Variants in PCA3 observed in about 807,000 individuals in gnomAD.
PCA3 encodes Differential Display code 3.
intron 2 of PCA3, among the ~76,000 whole-genome samples, chr9:76,780,488 C>T (rs991702274): frequency 1.1e-4 from 16 of 152,094 alleles, no homozygotes; most frequent in African/African-American, 3.4e-4. Context: ...GAGATCAAGA[C>T]CATCCTGGCT....
intron 2 of PCA3, among the ~76,000 whole-genome samples, chr9:76,774,415 G>A (rs1316099387): frequency 1.4e-5 from 2 of 145,898 alleles, no homozygotes; most frequent in African/African-American, 5.4e-5. Context: ...TGGGATTAGA[G>A]GCATGAGCCA....
intron 2 of PCA3, among the ~76,000 whole-genome samples, chr9:76,774,463 T>TATTTATTTATTTATTTATTTA (rs1487883612): frequency 7.1e-6 from 1 of 141,172 alleles, no homozygotes. Context: ...TTTTTTTTTT[T>TATTTATTTATTTATTTATTTA]TTTTTTTTTT....
chr9:76,780,007 C>T (rs1241117246), intron 2 of PCA3: 2 of 152,144 alleles, frequency 1.3e-5, no homozygotes, highest in Non-Finnish European at 2.9e-5. Context: ...CTAGTAAAAT[C>T]CATCGTCAGA....
intron 2 of PCA3, chr9:76,784,715 C>T (rs1429191280): frequency 6.6e-6 from 1 of 152,194 alleles, no homozygotes; most frequent in Non-Finnish European, 1.5e-5. Context: ...TGTTCTGGCC[C>T]AGGGGATCTG....
chr9:76,773,561 A>G (rs1229931003), intron 2 of PCA3, among the ~76,000 whole-genome samples: 1 of 148,546 alleles, frequency 6.7e-6, no homozygotes, highest in Non-Finnish European at 1.5e-5. Context: ...CTCCTGCCTT[A>G]GCCTCCTGAG....
chr9:76,777,244 G>T (rs2053905560), intron 2 of PCA3, among the ~76,000 whole-genome samples: 2 of 152,200 alleles, frequency 1.3e-5, no homozygotes, highest in Non-Finnish European at 2.9e-5. Context: ...AATGAAGTAG[G>T]AGAGGGGTGC....
chr9:76,777,559 T>C lies in PCA3; in HGVS notation n.853-31024T>C, dbSNP rs148097951. Among the ~76,000 whole-genome samples the C allele has an allele frequency of 2.1e-4, 32 of 152,330 alleles. No homozygotes were observed. The East Asian group carries it at 6.2e-3, about 29-fold the overall frequency. ...TTCATTTATTCAATTCAATAAATAT[T>C]TGTTAGTCCCAATTTATGCAAGGCA... is the stretch of plus-strand genomic sequence containing the variant. On this transcript the variant is annotated intron_variant and non_coding_transcript_variant, in intron 2 of 5. Coordinates refer to ENST00000644657, the Ensembl canonical transcript of PCA3.
At chr9:76,769,397 T>TG (rs1275108092) in intron 2 of PCA3, among the ~76,000 whole-genome samples, 35 of 152,228 alleles carry the variant, frequency 2.3e-4, no homozygotes, top group African/African-American at 8.4e-4. Flanking sequence ...CCTCTATTGA[T>TG]GGACATTAAG....
Position 76,781,814 on chromosome 9 carries a change from T to C in PCA3, n.853-26769T>C, listed in dbSNP as rs1451406690. 7.2e-5 allele frequency among the ~76,000 whole-genome samples: 11 copies of C among 152,368 alleles called. No homozygotes were observed. The East Asian group carries it at 1.9e-3, about 27-fold the overall frequency. On this transcript the variant is annotated intron_variant and non_coding_transcript_variant, in intron 2 of 5. Coordinates refer to ENST00000644657, the Ensembl canonical transcript of PCA3. Reference sequence around the variant, plus strand: ...GGTGAATGTCTTGGTATTTCACCTTTCATCCTGCTGGACTCTAATTTCCTA... The same window carrying C: ...GGTGAATGTCTTGGTATTTCACCTTCCATCCTGCTGGACTCTAATTTCCTA...
At chr9:76,767,661 A>G (rs1264023896) in intron 2 of PCA3, among the ~76,000 whole-genome samples, 3 of 152,074 alleles carry the variant, frequency 2.0e-5, no homozygotes, top group Admixed American at 6.6e-5. Context: ...CCCTAACAGG[A>G]GGCACCTTAA....
chr9:76,767,459 A>AAG (rs1189208910), intron 2 of PCA3, among the ~76,000 whole-genome samples: 3 of 151,832 alleles, frequency 2.0e-5, no homozygotes, highest in African/African-American at 7.3e-5. Flanking sequence ...CTCAAAAAAA[A>AAG]AAAGAAAGAA....
chr9:76,776,941 C>G (rs11145054), intron 2 of PCA3, among the ~76,000 whole-genome samples: 75,442 of 144,840 alleles, frequency 0.52, 21,399 homozygotes, highest in African/African-American at 0.74. Context: ...CACACACACA[C>G]ACACAAAGGG....
intron 2 of PCA3, among the ~76,000 whole-genome samples, chr9:76,778,076 T>C (rs2053993002): frequency 6.6e-6 from 1 of 152,196 alleles, no homozygotes; most frequent in African/African-American, 2.4e-5. Context: ...GCACATTAGA[T>C]TTATTCTAAG....
In PCA3 at chr9:76,783,100, C is replaced by T. The variant is rs567231447; in HGVS notation, n.853-25483C>T. On this transcript the variant is annotated intron_variant and non_coding_transcript_variant, in intron 2 of 5. Transcript: ENST00000644657. ...AAGGCACTGAACCACAAAGCAGACACTTGATTAACATCAGTTGTATCTGAC... is the reference window on the plus strand; with the variant it reads ...AAGGCACTGAACCACAAAGCAGACATTTGATTAACATCAGTTGTATCTGAC... Among the ~76,000 whole-genome samples, 42 of 152,152 alleles carry T rather than the reference C, an allele frequency of 2.8e-4. 1 individual carries two copies. The highest frequency in any genetic ancestry group is 9.2e-4 in the Admixed American group (14 of 15,268).
intron 2 of PCA3, chr9:76,778,903 GA>G (rs1320804426): frequency 6.6e-6 from 1 of 152,132 alleles, no homozygotes; most frequent in Non-Finnish European, 1.5e-5. Flanking sequence ...TCAACAAATT[GA>G]ACTGTTAACA....
rs529731917 is a variant in PCA3, at chr9:76,766,617, C to T, written n.852+30002C>T. On this transcript the variant is annotated intron_variant and non_coding_transcript_variant, in intron 2 of 5. Coordinates refer to ENST00000644657, the Ensembl canonical transcript of PCA3. ...CTTTCCTTCCATGTTTTGGTCCTTA[C>T]ATACCTCCCTCGTTTCATCCTGCGC... Among the ~76,000 whole-genome samples the T allele has an allele frequency of 9.9e-5, 15 of 152,284 alleles. 1 individual carries two copies. In the South Asian group the frequency reaches 3.1e-3, roughly 32 times the overall value.
chr9:76,783,175 C>T (rs10869816), intron 2 of PCA3, among the ~76,000 whole-genome samples: 33,664 of 152,066 alleles, frequency 0.22, 3,807 homozygotes, highest in South Asian at 0.28. Flanking sequence ...TCCACTCTGT[C>T]GCCCAGGTTC....
chr9:76,779,788 G>A (rs2054175368), intron 2 of PCA3: 1 of 152,182 alleles, frequency 6.6e-6, no homozygotes, highest in African/African-American at 2.4e-5. Flanking sequence ...TAATTGCCAA[G>A]CCATGGTTCC....
intron 2 of PCA3, among the ~76,000 whole-genome samples, chr9:76,776,999 G>C (rs949228601): frequency 1.3e-5 from 2 of 150,424 alleles, no homozygotes; most frequent in Admixed American, 1.3e-4. Flanking sequence ...CTCCTAAACT[G>C]TTCCTCTTGG....
Sources: allele counts gnomAD v4.1 joint callset (sites outside exome capture counted in the v4.1 genomes callset), GRCh38; gene constraint gnomAD v4.1.1; transcripts MANE v1.5; gene names NCBI Gene and HGNC (gene_info 2026-07-23, HGNC 2026-07-21).